CES5A: variants seen among roughly 807,000 people sequenced by gnomAD.
The protein encoded by CES5A is carboxylesterase 5.
In CES5A, 67 loss-of-function variants were observed where a neutral mutation model predicts 62.9. The observed-to-expected ratio is 1.07, with a 90% CI of 0.88 to 1.31. CES5A has a LOEUF of 1.31. Among genes scored for constraint, CES5A ranks in the 50% most tolerant of loss-of-function variants. The probability of loss-of-function intolerance (pLI) is 0.00; values close to 1 mark genes in which losing one functional copy is unlikely to be tolerated. For missense variants in CES5A, 748 were observed against 708.5 expected (o/e 1.06, Z -0.63); for synonymous variants, 296 against 280.8 (o/e 1.05, Z -0.54).
intron 1 of CES5A, among the ~76,000 whole-genome samples, chr16:55,923,175 A>G (rs1213606965): frequency 4.0e-5 from 6 of 151,684 alleles, no homozygotes; most frequent in African/African-American, 1.2e-4. Flanking sequence ...GAAATAATAA[A>G]GATCAGAGCA....
intron 1 of CES5A, among the ~76,000 whole-genome samples, chr16:55,912,712 G>A (rs1328653236): frequency 6.6e-6 from 1 of 152,124 alleles, no homozygotes; most frequent in Non-Finnish European, 1.5e-5. Context: ...CCTCTACTTT[G>A]GCTATATTCT....
chr16:55,854,125 G>C (rs1372752868), intron 9 of CES5A, among the ~76,000 whole-genome samples: 1 of 152,192 alleles, frequency 6.6e-6, no homozygotes, highest in Non-Finnish European at 1.5e-5. Flanking sequence ...GCTATGTGGA[G>C]TCTCAGGTGA....
chr16:55,873,354 G>A (rs142004543), intron 2 of CES5A, among the ~76,000 whole-genome samples: 177 of 152,218 alleles, frequency 1.2e-3, no homozygotes, highest in African/African-American at 4.1e-3. Context: ...ATCAGGCACC[G>A]TTTTGACAGC....
intron 1 of CES5A, among the ~76,000 whole-genome samples, chr16:55,907,442 A>G (rs1352280307): frequency 2.0e-5 from 3 of 152,224 alleles, no homozygotes; most frequent in African/African-American, 4.8e-5. Flanking sequence ...TTTAATTGCC[A>G]AGTGCTATGC....
intron 1 of CES5A, among the ~76,000 whole-genome samples, chr16:55,920,221 A>G (rs1185759557): frequency 6.6e-6 from 1 of 152,172 alleles, no homozygotes; most frequent in African/African-American, 2.4e-5. Context: ...CCCAGCACCA[A>G]GTATGCAGAA....
intron 1 of CES5A, among the ~76,000 whole-genome samples, chr16:55,911,828 C>G (rs1429889861): frequency 6.6e-6 from 1 of 152,194 alleles, no homozygotes; most frequent in Non-Finnish European, 1.5e-5. Flanking sequence ...GCTGCTTTGT[C>G]TATGAAGCCT....
chr16:55,955,775 C>T, intron 1 of CES5A: 2 of 1,495,118 alleles, frequency 1.3e-6, no homozygotes, highest in South Asian at 1.2e-5. Context: ...TAATCTAAGG[C>T]TCATCTTTCT....
Position 55,856,453 on chromosome 16 carries a change from G to A in CES5A, c.1057-8C>T. The A allele has an allele frequency of 1.2e-6, 2 of 1,613,920 alleles. No homozygotes were observed. The highest frequency in any genetic ancestry group is 1.7e-6 in the Non-Finnish European group (2 of 1,179,852). On this transcript the variant is annotated splice_polypyrimidine_tract_variant and splice_region_variant and intron_variant, in intron 8 of 12. Coordinates refer to ENST00000290567, the MANE Select transcript of CES5A (RefSeq NM_001143685.2). ...GATCTCAGGAGCCTCCTTCTGTGGA[G>A]AGAAGCGTGCCCTCTGTAAGCCATC...
intron 2 of CES5A, among the ~76,000 whole-genome samples, chr16:55,931,519 C>A (rs751258100): frequency 6.6e-6 from 1 of 152,232 alleles, no homozygotes. Context: ...TCCACCCTAT[C>A]TCTTGCTATT....
At position 55,937,462 on chromosome 16, in the gene CES5A, C is replaced by T. The variant is rs145688387; in HGVS notation, c.160+12323G>A. Reference sequence around the variant, plus strand: ...TGACTTCCACTCACATTCCATTGCCCGCAGCAAGTGGCATGCTTCTGGTTG... The same window carrying T: ...TGACTTCCACTCACATTCCATTGCCTGCAGCAAGTGGCATGCTTCTGGTTG... On this transcript the variant is annotated intron_variant, in intron 2 of 13. Transcript: ENST00000521992. Among the ~76,000 whole-genome samples the T allele has an allele frequency of 1.9e-3, 286 of 152,290 alleles. 2 individuals carry two copies. Among genetic ancestry groups the T allele is most frequent in the African/African-American group, 6.1e-3 (254 of 41,554 alleles).
chr16:55,950,244 A>T (rs1417380135), intron 1 of CES5A, among the ~76,000 whole-genome samples: 1 of 152,218 alleles, frequency 6.6e-6, no homozygotes, highest in East Asian at 1.9e-4. Flanking sequence ...GAAGAAAATC[A>T]ACCTCGTGAA....
rs1243559972 is a variant in CES5A, at chr16:55,852,802, G to A, written c.1273+79C>T. The stretch of plus-strand genomic sequence containing the variant: ...TAGAACAGAGGCAGAGAAGGCAGCC[G>A]CTCAGTAGACAATATGGATTTCCGT... On this transcript the variant is annotated intron_variant, in intron 10 of 12. Coordinates refer to ENST00000290567, the MANE Select transcript of CES5A (RefSeq NM_001143685.2). 70 of 1,489,944 alleles carry A rather than the reference G, an allele frequency of 4.7e-5. No individual in the cohort carries two copies. In the Middle Eastern group the frequency reaches 9.9e-4, roughly 21 times the overall value. The allele number at this position is 1,489,944 out of a possible 1,614,324, so 92.3% of individuals were successfully genotyped here.
chr16:55,877,454 A>G (rs77305131), upstream of CES5A, among the ~76,000 whole-genome samples: 11 of 113,870 alleles, frequency 9.7e-5, no homozygotes, highest in South Asian at 6.2e-4. Flanking sequence ...ATATATATGT[A>G]TGTGTGTGTG....
intron 1 of CES5A, among the ~76,000 whole-genome samples, chr16:55,954,662 G>A (rs2034590579): frequency 6.6e-6 from 1 of 152,144 alleles, no homozygotes. Context: ...GGAGAGAGGT[G>A]TGGAACCTCA....
chr16:55,913,109 T>C (rs1225633998), intron 1 of CES5A, among the ~76,000 whole-genome samples: 1 of 152,184 alleles, frequency 6.6e-6, no homozygotes, highest in African/African-American at 2.4e-5. Context: ...TCCCCGAGCA[T>C]TCAGGGATCA....
chr16:55,955,782 T>C (rs2142492065), intron 1 of CES5A: 1 of 1,512,576 alleles, frequency 6.6e-7, no homozygotes, highest in Non-Finnish European at 8.9e-7. Context: ...AGGCTCATCT[T>C]TCTCATTCCA....
chr16:55,856,442 CCTT>C lies in CES5A; in HGVS notation c.1057_1059del (p.Lys353del). The C allele has an allele frequency of 6.2e-7, 1 of 1,614,042 alleles. No individual in the cohort carries two copies. The highest frequency in any genetic ancestry group is 8.5e-7 in the Non-Finnish European group (1 of 1,179,982). On this transcript the variant is annotated inframe_deletion and splice_region_variant, in exon 9 of 13. Coordinates refer to ENST00000290567, the MANE Select transcript of CES5A (RefSeq NM_001143685.2). ...GAGCCACTGAGGATCTCAGGAGCCT[CCTT>C]CTGTGGAGAGAAGCGTGCCCTCTGT...
chr16:55,938,793 TATATACACAC>T (rs2034412864), intron 2 of CES5A, among the ~76,000 whole-genome samples: 1 of 58,854 alleles, frequency 1.7e-5, no homozygotes, highest in East Asian at 2.8e-4. Context: ...TATATATATA[TATATACACAC>T]ATATATATAT....
At chr16:55,917,302 GT>G (rs1239263688) in intron 1 of CES5A, among the ~76,000 whole-genome samples, 1 of 152,246 alleles carries the variant, frequency 6.6e-6, no homozygotes, top group African/African-American at 2.4e-5. Flanking sequence ...CCTAAATTTA[GT>G]GGTTTAAAAC....
Sources: gnomAD v4.1 joint callset for allele counts (sites outside exome capture counted in the v4.1 genomes callset) on GRCh38, gnomAD v4.1.1 for gene constraint, MANE v1.5 for transcripts, NCBI Gene and HGNC (gene_info 2026-07-23, HGNC 2026-07-21) for gene names.